The following ACCS variants were observed in gnomAD, a reference collection of about 807,000 sequenced individuals.
ACCS encodes the protein 1-aminocyclopropane-1-carboxylate synthase-like protein 1.
In ACCS, 42 loss-of-function variants were observed where a neutral mutation model predicts 59.8. The observed-to-expected ratio is 0.70, with a 90% CI of 0.55 to 0.91. The LOEUF (loss-of-function observed/expected upper bound fraction) is 0.91. Among genes scored for constraint, ACCS ranks in the 40% least tolerant of loss-of-function variants. The pLI, the probability that ACCS is intolerant of heterozygous loss-of-function variation, is 0.00. For synonymous variants in ACCS, 230 were observed against 240.3 expected, an observed-to-expected ratio of 0.96 and a Z score of 0.40; for missense variants, 602 against 630.4, an observed-to-expected ratio of 0.95 and a Z score of 0.48.
chr11:44,071,221 CA>C, intron 2 of ACCS, 34 bp from the exon 3 acceptor site: 1 of 1,613,092 alleles, frequency 6.2e-7, no homozygotes, highest in Non-Finnish European at 8.5e-7. Flanking sequence ...ACCCCCCTGC[CA>C]TGCTAACTCT....
chr11:44,073,658 C>A, intron 4 of ACCS, 141 bp downstream of exon 4: 2 of 796,350 alleles, frequency 2.5e-6, no homozygotes, highest in Non-Finnish European at 4.0e-6. Flanking sequence ...TAAAGTTCTA[C>A]AATGTACAGG....
rs1953758483 is a variant in ACCS at position 44,084,017 on chromosome 11, G to C, written c.*225G>C. The C allele has an allele frequency of 1.2e-6, 1 of 851,316 alleles. No individual in the cohort carries two copies. Among genetic ancestry groups the C allele is most frequent in the Non-Finnish European group, 1.7e-6 (1 of 584,638 alleles). The allele number at this position is 851,316 out of a possible 1,614,324, so 52.7% of individuals were successfully genotyped here. A position where few individuals can be genotyped will look rare whatever the true frequency, so the allele number is the denominator to read the frequency against. On this transcript the variant is annotated 3_prime_UTR_variant, in exon 15 of 15. Coordinates refer to ENST00000263776, the MANE Select transcript of ACCS (RefSeq NM_032592.4). ...TCTCCTATTAAACAAAACTAGGAGA[G>C]TCCATATGTCTCCATTGTGAGTTAT...
chr11:44,068,492 C>A (rs1372434145), intron 2 of ACCS, among the ~76,000 whole-genome samples: 1 of 152,128 alleles, frequency 6.6e-6, no homozygotes, highest in Non-Finnish European at 1.5e-5. Context: ...GTGGTCCCAG[C>A]TACTGGGGAG....
intron 3 of ACCS, among the ~76,000 whole-genome samples, chr11:44,072,737 G>A (rs1291661123): frequency 2.0e-5 from 3 of 152,042 alleles, no homozygotes; most frequent in Non-Finnish European, 4.4e-5. Context: ...TCTTAATTCA[G>A]ATGAACCACA....
At position 44,077,893 on chromosome 11, in the gene ACCS, G is replaced by A. The variant is rs1416228166; in HGVS notation, c.703G>A (p.Glu235Lys). The A allele has an allele frequency of 3.7e-6, 6 of 1,614,098 alleles. No individual in the cohort carries two copies. Among genetic ancestry groups the A allele is most frequent in the Non-Finnish European group, 5.1e-6 (6 of 1,180,000 alleles). ...RPFQLTVEKLEMALREAHSEG... is the reference protein window; with the variant it reads ...RPFQLTVEKLKMALREAHSEG... ...CTTCCAGCTCACAGTGGAGAAGCTG[G>A]AGATGGCCCTGAGAGAAGCTCACTC... Residue 235 changes from glutamate to lysine, a missense_variant, in exon 8 of 15, where the codon GAG becomes AAG. Coordinates refer to ENST00000263776, the MANE Select transcript of ACCS (RefSeq NM_032592.4).
At chr11:44,078,878 C>T (rs2134881218) in intron 9 of ACCS, 94 bp downstream of exon 9, 1 of 1,014,674 alleles carries the variant, frequency 9.9e-7, no homozygotes, top group Non-Finnish European at 1.5e-6. Flanking sequence ...CTTGACCCCA[C>T]TGTGGGCTGC....
intron 6 of ACCS, 40 bp from the exon 7 acceptor site, chr11:44,077,239 G>T (rs1163663312): frequency 6.2e-7 from 1 of 1,601,506 alleles, no homozygotes; most frequent in Non-Finnish European, 8.5e-7. Flanking sequence ...GGGGTGTTCT[G>T]GCCAGAAAGT....
intron 6 of ACCS, 124 bp from the exon 7 acceptor site, chr11:44,077,155 G>A: frequency 2.8e-6 from 3 of 1,073,324 alleles, no homozygotes; most frequent in Non-Finnish European, 4.0e-6. Context: ...AGTTAAGAGT[G>A]CAAGTATGCC....
intron 5 of ACCS, 94 bp downstream of exon 5, chr11:44,074,775 T>TCTTTCTTTCTTTCTTTCTTTCTTTCTTTC (rs36162993): frequency 4.9e-6 from 2 of 404,818 alleles, no homozygotes; most frequent in East Asian, 6.8e-5. Flanking sequence ...TTTCTTTCTT[T>TCTTTCTTTCTTTCTTTCTTTCTTTCTTTC]TTCTCTCTCT....
rs778975822 is a variant in ACCS, at chr11:44,071,277, A to G, written c.310A>G (p.Ser104Gly). 1 of 1,614,130 alleles carries G rather than the reference A, an allele frequency of 6.2e-7. No individual in the cohort carries two copies. Among genetic ancestry groups the G allele is most frequent in the Non-Finnish European group, 8.5e-7 (1 of 1,180,010 alleles). Residue 104 changes from serine to glycine, a missense_variant, in exon 3 of 15, where the codon AGT (serine) becomes GGT (glycine). Coordinates refer to ENST00000263776, the MANE Select transcript of ACCS (RefSeq NM_032592.4). ...CCAGGGCATCATTAACTTGGGCACC[A>G]GTGAGAACAAACTCTGCTTTGACCT... is the stretch of plus-strand genomic sequence containing the variant. ...NPSGIINLGT[S>G]ENKLCFDLLS...
intron 2 of ACCS, among the ~76,000 whole-genome samples, chr11:44,069,689 C>A (rs1272844069): frequency 6.6e-6 from 1 of 152,162 alleles, no homozygotes; most frequent in East Asian, 1.9e-4. Context: ...CAGTCCTTCT[C>A]CACGTGGGCT....
Position 44,071,258 on chromosome 11 carries a change from C to A in ACCS, c.291C>A (p.Gly97=). 1 of 1,614,124 alleles carries A rather than the reference C, an allele frequency of 6.2e-7. No homozygotes were observed. Among genetic ancestry groups the A allele is most frequent in the Non-Finnish European group, 8.5e-7 (1 of 1,179,994 alleles). ...GCCTCTGTACCTCTCATCTCCAGGG[C>A]ATCATTAACTTGGGCACCAGTGAGA... is the stretch of plus-strand genomic sequence containing the variant. ...DEYDEDKNPS[G]IINLGTSENK... The change falls in exon 3 of 15, where the codon GGC becomes GGA. Residue 97 remains glycine (G), a splice_region_variant and synonymous_variant. Coordinates refer to ENST00000263776, the MANE Select transcript of ACCS (RefSeq NM_032592.4).
intron 8 of ACCS, chr11:44,078,460 T>G: frequency 2.1e-6 from 1 of 471,288 alleles, no homozygotes; most frequent in Non-Finnish European, 3.7e-6. Context: ...CCAACAAAGG[T>G]AACCTACTGG....
rs766370364 is a variant in ACCS, at chr11:44,067,700, G to C, written c.73G>C (p.Gly25Arg). ...CLGPTCMQDL[G>R]SSHGEDLEGE... ...GGGCCCCACCTGCATGCAGGACCTG[G>C]GCAGTAGCCATGGGGAAGATCTGGA... Residue 25 changes from glycine to arginine, a missense_variant, in exon 2 of 15, where the codon GGC (glycine) becomes CGC (arginine). Transcript: ENST00000263776. 6.2e-7 allele frequency: 1 copy of C among 1,614,184 alleles called. No homozygotes were observed. The highest frequency in any genetic ancestry group is 1.7e-5 in the Admixed American group (1 of 60,022).
In ACCS at chr11:44,083,533, G is replaced by A; in HGVS notation, c.1364G>A (p.Trp455Ter). 6.2e-7 allele frequency: 1 copy of A among 1,614,254 alleles called. No individual in the cohort carries two copies. The highest frequency in any genetic ancestry group is 8.5e-7 in the Non-Finnish European group (1 of 1,180,050). ...GKAFECKEPG[W>*]FRFVFSDQVH... ...GCCTTCGAGTGTAAAGAGCCTGGTTGGTTTCGCTTTGTCTTCTCAGACCAG... is the reference window on the plus strand; with the variant it reads ...GCCTTCGAGTGTAAAGAGCCTGGTTAGTTTCGCTTTGTCTTCTCAGACCAG... Residue 455 changes from tryptophan (W) to a stop codon, truncating the protein, a stop_gained, in exon 14 of 15, where the codon TGG (tryptophan) becomes TAG (stop). Coordinates refer to ENST00000263776, the MANE Select transcript of ACCS (RefSeq NM_032592.4). LOFTEE classifies it low-confidence loss of function (END_TRUNC).
rs1953547556 is a variant in ACCS, at chr11:44,079,630, CCTGACACAG to C, written c.923+13_923+21del. ...TCCTAAGCCTGGAAAGGTGAGGCTCCCTGACACAGCTAACTCCCCCAGTCCCTATTATCC... is the reference window on the plus strand; with the variant it reads ...TCCTAAGCCTGGAAAGGTGAGGCTCCCTAACTCCCCCAGTCCCTATTATCC... On this transcript the variant is annotated intron_variant, in intron 10 of 14. Coordinates refer to ENST00000263776, the MANE Select transcript of ACCS (RefSeq NM_032592.4). 1.9e-6 allele frequency: 3 copies of C among 1,599,664 alleles called. No homozygotes were observed. The highest frequency in any genetic ancestry group is 2.6e-6 in the Non-Finnish European group (3 of 1,172,556).
chr11:44,074,416 G>T (rs1053294645), intron 4 of ACCS, among the ~76,000 whole-genome samples, 196 bp from the exon 5 acceptor site: 2 of 151,984 alleles, frequency 1.3e-5, no homozygotes, highest in Non-Finnish European at 2.9e-5. Context: ...GTGGGGTGGG[G>T]TGTCCTCTGC....
At chr11:44,071,883 G>A (rs1953066563) in intron 3 of ACCS, among the ~76,000 whole-genome samples, 1 of 152,214 alleles carries the variant, frequency 6.6e-6, no homozygotes, top group South Asian at 2.1e-4. Flanking sequence ...GTAAGATAAT[G>A]TATTTCATTG....
intron 1 of ACCS, 120 bp from the exon 2 acceptor site, chr11:44,067,508 G>A: frequency 1.9e-6 from 2 of 1,045,822 alleles, no homozygotes; most frequent in South Asian, 1.6e-5. Flanking sequence ...AGTGATGAGT[G>A]CATAAACCTA....
Sources: allele counts gnomAD v4.1 joint callset (sites outside exome capture counted in the v4.1 genomes callset), GRCh38; gene constraint gnomAD v4.1.1; transcripts MANE v1.5; gene names NCBI Gene and HGNC (gene_info 2026-07-23, HGNC 2026-07-21).